PRIMA1: variants seen among roughly 807,000 people sequenced by gnomAD.
PRIMA1 encodes the protein proline rich membrane anchor 1.
PRIMA1 carries 7 observed loss-of-function variants against 17.5 expected under a neutral mutation model. The ratio of observed to expected loss-of-function variants is 0.40; its 90% CI spans 0.23 to 0.75. The LOEUF (loss-of-function observed/expected upper bound fraction) is 0.75. Among genes scored for constraint, PRIMA1 ranks in the 30% least tolerant of loss-of-function variants. PRIMA1 has a pLI of 0.37. For missense variants in PRIMA1, 200 were observed against 201.8 expected (o/e 0.99, Z 0.05); for synonymous variants, 97 against 77.9 (o/e 1.25, Z -1.29).
intron 3 of PRIMA1, among the ~76,000 whole-genome samples, chr14:93,738,607 G>A (rs1373105731): frequency 1.3e-5 from 2 of 152,170 alleles, no homozygotes; most frequent in African/African-American, 4.8e-5. Context: ...ACAGTAAGTG[G>A]GGAACCAGGG....
At chr14:93,728,009 G>A (rs868110374) in intron 4 of PRIMA1, among the ~76,000 whole-genome samples, 28 of 152,282 alleles carry the variant, frequency 1.8e-4, no homozygotes, top group South Asian at 1.7e-3. Flanking sequence ...AGAAATGCCC[G>A]GCACTGCTTC....
intron 4 of PRIMA1, among the ~76,000 whole-genome samples, chr14:93,723,692 C>T (rs555026582): frequency 2.0e-5 from 3 of 152,092 alleles, no homozygotes; most frequent in Non-Finnish European, 4.4e-5. Flanking sequence ...AAGCACTCTC[C>T]GTCACAGAGA....
chr14:93,737,049 A>C (rs1473325019), intron 4 of PRIMA1, among the ~76,000 whole-genome samples, 192 bp downstream of exon 4: 2 of 152,246 alleles, frequency 1.3e-5, no homozygotes, highest in African/African-American at 2.4e-5. Flanking sequence ...AGATATAGCA[A>C]ATACAGCAAA....
chr14:93,757,372 G>A (rs1348707334), intron 3 of PRIMA1, among the ~76,000 whole-genome samples: 4 of 152,232 alleles, frequency 2.6e-5, no homozygotes, highest in African/African-American at 7.2e-5. Context: ...AGGGATGAGC[G>A]GCTCTATGGA....
intron 3 of PRIMA1, among the ~76,000 whole-genome samples, chr14:93,762,877 C>G (rs1035926206): frequency 1.3e-5 from 2 of 152,162 alleles, no homozygotes; most frequent in African/African-American, 2.4e-5. Flanking sequence ...GCTGCTCCTC[C>G]ACCCCAGGCC....
chr14:93,725,375 G>A (rs2076068376), intron 4 of PRIMA1, among the ~76,000 whole-genome samples: 1 of 152,140 alleles, frequency 6.6e-6, no homozygotes. Flanking sequence ...TGCCTGGACT[G>A]CTGCTCCCAA....
rs115909591 is a variant in PRIMA1, at chr14:93,747,935, G to A, written c.230-10565C>T. ...GGGGGACTGTGTGGAGTGTGATTAT[G>A]TGAGTGTGTGTGTATGAGTGTGTGT... On this transcript the variant is annotated intron_variant, in intron 3 of 4. Coordinates refer to ENST00000393140, the MANE Select transcript of PRIMA1 (RefSeq NM_178013.4). 7.3e-3 allele frequency among the ~76,000 whole-genome samples: 517 copies of A among 70,870 alleles called. 3 individuals carry two copies. Among genetic ancestry groups the A allele is most frequent in the African/African-American group, 0.015 (477 of 31,408 alleles). The allele number at this position is 70,870 out of a possible 152,430, so 46.5% of individuals were successfully genotyped here.
chr14:93,764,467 C>T (rs1394520789), intron 3 of PRIMA1, among the ~76,000 whole-genome samples: 1 of 151,922 alleles, frequency 6.6e-6, no homozygotes, highest in East Asian at 1.9e-4. Context: ...ATCTCAAACT[C>T]CACATGAGAA....
At chr14:93,741,269 G>A (rs889970473) in intron 3 of PRIMA1, among the ~76,000 whole-genome samples, 2 of 152,216 alleles carry the variant, frequency 1.3e-5, no homozygotes, top group Admixed American at 6.5e-5. Context: ...TTTCAGAAAA[G>A]AGAATACAAT....
chr14:93,784,450 G>T (rs1435681309), intron 2 of PRIMA1, among the ~76,000 whole-genome samples: 1 of 152,176 alleles, frequency 6.6e-6, no homozygotes. Context: ...TTACAGGTGT[G>T]AGCCACTGCA....
In PRIMA1 at chr14:93,721,513, G is replaced by A. The variant is rs375379166; in HGVS notation, c.393C>T (p.Ser131=). The A allele has an allele frequency of 2.4e-5, 38 of 1,613,678 alleles. No individual in the cohort carries two copies. The highest frequency in any genetic ancestry group is 2.7e-5 in the African/African-American group (2 of 74,908). The stretch of plus-strand genomic sequence containing the variant: ...AAGCACTCATGGGATACTCAGCAAC[G>A]CTGGTGCCATTTTCGTCTTTTCTCA... ...KPLRKDENGT[S]VAEYPMSASQ... The change falls in exon 5 of 5, where the codon AGC becomes AGT. Residue 131 remains serine (S), a synonymous_variant. Transcript: ENST00000393140.
At position 93,719,103 on chromosome 14, in the gene PRIMA1, G is replaced by A. The variant is rs561776080; in HGVS notation, c.*2341C>T. On this transcript the variant is annotated 3_prime_UTR_variant, in exon 5 of 5. Transcript: ENST00000393140. The stretch of plus-strand genomic sequence containing the variant: ...TTAAGTGAATCTTTTAAAAAAACTA[G>A]GCTCTTCCCTTGATTTTTGCTAACT... 6.6e-6 allele frequency: 1 copy of A among 152,198 alleles called. No homozygotes were observed. The highest frequency in any genetic ancestry group is 1.9e-4 in the East Asian group (1 of 5,182). 9.4% of individuals were successfully genotyped at this position (152,198 alleles called of 1,614,324 possible).
intron 3 of PRIMA1, among the ~76,000 whole-genome samples, chr14:93,738,919 T>A (rs1356179837): frequency 6.6e-6 from 1 of 152,250 alleles, no homozygotes. Context: ...ATGCAGTGTG[T>A]ATTTTTTTTG....
chr14:93,780,122 C>T (rs1029415775), intron 2 of PRIMA1, among the ~76,000 whole-genome samples: 16 of 152,252 alleles, frequency 1.1e-4, no homozygotes, highest in Admixed American at 6.5e-5. Context: ...AGGCCCCCGG[C>T]CTCTGCAATT....
chr14:93,740,401 T>G (rs1028551850), intron 3 of PRIMA1, among the ~76,000 whole-genome samples: 2 of 152,120 alleles, frequency 1.3e-5, no homozygotes, highest in African/African-American at 4.8e-5. Context: ...TTCCCTACAC[T>G]CTGGGAAGTC....
chr14:93,739,381 CA>C (rs1335582964), intron 3 of PRIMA1, among the ~76,000 whole-genome samples: 1 of 152,152 alleles, frequency 6.6e-6, no homozygotes, highest in Non-Finnish European at 1.5e-5. Flanking sequence ...ACCTGATGAC[CA>C]ACACCTAGGT....
rs535576494 is a variant in PRIMA1 at position 93,719,011 on chromosome 14, C to T, written c.*2433G>A. 14 of 152,222 alleles carry T rather than the reference C, an allele frequency of 9.2e-5. No homozygotes were observed. In the East Asian group the frequency reaches 2.5e-3, roughly 27 times the overall value. 9.4% of individuals were successfully genotyped at this position (152,222 alleles called of 1,614,324 possible). On this transcript the variant is annotated 3_prime_UTR_variant, in exon 5 of 5. Transcript: ENST00000393140. ...TCTGTAAGCTCAAAATCTAGTGGGT[C>T]TCCCTTGCTGTGCCGTATACTTGTT...
intron 3 of PRIMA1, among the ~76,000 whole-genome samples, chr14:93,747,242 A>G (rs1322073265): frequency 6.6e-6 from 1 of 152,118 alleles, no homozygotes; most frequent in African/African-American, 2.4e-5. Flanking sequence ...TCAGGAAGGG[A>G]CGTCCAGGAG....
intron 3 of PRIMA1, among the ~76,000 whole-genome samples, chr14:93,747,447 G>A (rs564326492): frequency 1.1e-4 from 17 of 152,202 alleles, no homozygotes; most frequent in Non-Finnish European, 4.4e-5. Context: ...TGCACAACTC[G>A]CGGTTCAAGT....
Sources: allele counts gnomAD v4.1 joint callset (sites outside exome capture counted in the v4.1 genomes callset), GRCh38; gene constraint gnomAD v4.1.1; transcripts MANE v1.5; gene names NCBI Gene and HGNC (gene_info 2026-07-23, HGNC 2026-07-21).